GRPR: variants seen among roughly 807,000 people sequenced by gnomAD.
GRPR encodes gastrin releasing peptide receptor, also known as gastrin-releasing peptide receptor.
GRPR carries 4 observed loss-of-function variants against 15.6 expected under a neutral mutation model. That is an observed-to-expected ratio of 0.26 (90% CI 0.13 to 0.59). GRPR has a LOEUF of 0.59. Ranked by LOEUF, GRPR falls within the 20% of genes least tolerant of loss-of-function variation. GRPR has a pLI of 0.90. For missense variants in GRPR, 270 were observed against 304.1 expected (o/e 0.89, Z 0.83); for synonymous variants, 128 against 126.8 (o/e 1.01, Z -0.06).
chrX:16,142,831 T>C (rs1922549107), intron 1 of GRPR, among the ~76,000 whole-genome samples: 1 of 110,115 alleles, frequency 9.1e-6, no homozygotes, highest in Admixed American at 9.8e-5. Flanking sequence ...CAGATGAATG[T>C]GTCTGCAGGG....
In GRPR at chrX:16,137,257, G is replaced by A. The variant is rs138273988; in HGVS notation, c.413+12891G>A. Among the ~76,000 whole-genome samples the A allele has an allele frequency of 7.1e-3, 794 of 111,976 alleles. 10 individuals carry two copies. The highest frequency in any genetic ancestry group is 0.025 in the African/African-American group (764 of 30,821). On this transcript the variant is annotated intron_variant, in intron 1 of 2. Coordinates refer to ENST00000380289, the MANE Select transcript of GRPR (RefSeq NM_005314.3). ...GTGAAATGAGGGTTCTACATCACACGATTAGCAAACAGTGAAATTGAGAAT... is the reference window on the plus strand; with the variant it reads ...GTGAAATGAGGGTTCTACATCACACAATTAGCAAACAGTGAAATTGAGAAT...
At chrX:16,152,232 C>G (rs980629421) in intron 2 of GRPR, 24 bp from the exon 3 acceptor site, 3 of 1,178,463 alleles carry the variant, frequency 2.5e-6, no homozygotes, top group Non-Finnish European at 3.5e-6. Flanking sequence ...TCCTCTGTCT[C>G]TCTCCATGTG....
At position 16,123,625 on chromosome X, in the gene GRPR, C is replaced by CA. The variant is rs1460746890; in HGVS notation, c.-328dup. The CA allele has an allele frequency of 2.4e-5, 5 of 210,658 alleles. No individual in the cohort carries two copies. The East Asian group carries it at 5.4e-4, about 23-fold the overall frequency. The allele number at this position is 210,658 out of a possible 1,213,427, so 17.4% of individuals were successfully genotyped here. On this transcript the variant is annotated 5_prime_UTR_variant, in exon 1 of 3. Coordinates refer to ENST00000380289, the MANE Select transcript of GRPR (RefSeq NM_005314.3). ...CCAAAAGTTCTTAGTAAACTGCAGC[C>CA]AGGGAGACTCAGACTAGAATGGAGG...
Position 16,132,165 on chromosome X carries a change from A to T in GRPR, c.413+7799A>T, listed in dbSNP as rs753184659. ...GAATTAATGAATTCTAGTAGGTCCTACTGGGTAAACCCAGAATACTGGATT... is the reference window on the plus strand; with the variant it reads ...GAATTAATGAATTCTAGTAGGTCCTTCTGGGTAAACCCAGAATACTGGATT... On this transcript the variant is annotated intron_variant, in intron 1 of 2. Coordinates refer to ENST00000380289, the MANE Select transcript of GRPR (RefSeq NM_005314.3). Among the ~76,000 whole-genome samples the T allele has an allele frequency of 1.4e-4, 16 of 112,352 alleles. No homozygotes were observed. In the East Asian group the frequency reaches 4.5e-3, roughly 31 times the overall value.
chrX:16,150,556 C>T lies in GRPR; in HGVS notation c.665C>T (p.Pro222Leu). 8.4e-7 allele frequency: 1 copy of T among 1,193,965 alleles called. No individual in the cohort carries two copies. The highest frequency in any genetic ancestry group is 1.1e-6 in the Non-Finnish European group (1 of 879,304). Residue 222 changes from proline (P) to leucine (L), a missense_variant, in exon 2 of 3, where the codon CCA becomes CTA. Physicochemically the swap from Pro to Leu is moderately conservative, Grantham distance 98 (BLOSUM62 -3). Coordinates refer to ENST00000380289, the MANE Select transcript of GRPR (RefSeq NM_005314.3). ...TCCTTTCTGGTCTTCTACGTCATTC[C>T]ACTGTCGATCATCTCTGTTTACTAC... Reference protein sequence around the residue: ...MASFLVFYVIPLSIISVYYYF... With the variant: ...MASFLVFYVILLSIISVYYYF...
intron 1 of GRPR, among the ~76,000 whole-genome samples, chrX:16,144,220 AATC>A (rs1335453374): frequency 1.8e-5 from 2 of 112,401 alleles, no homozygotes; most frequent in Non-Finnish European, 3.8e-5. Context: ...TCTGGGTTAT[AATC>A]ATCATATAAG....
intron 1 of GRPR, among the ~76,000 whole-genome samples, chrX:16,135,220 C>T (rs918093933): frequency 2.7e-5 from 3 of 111,923 alleles, no homozygotes; most frequent in Non-Finnish European, 5.6e-5. Flanking sequence ...TAAACTAAGC[C>T]AGGACTTTTA....
rs761174005 is a variant in GRPR at position 16,152,302 on chromosome X, G to T, written c.812G>T (p.Gly271Val). 1.0e-5 allele frequency: 12 copies of T among 1,205,430 alleles called. No individual in the cohort carries two copies. The highest frequency in any genetic ancestry group is 1.3e-5 in the Non-Finnish European group (12 of 890,141). The change falls in exon 3 of 3, where the codon GGC (glycine) becomes GTC (valine). Residue 271 changes from glycine to valine, a missense_variant. Transcript: ENST00000380289. The stretch of plus-strand genomic sequence containing the variant: ...GCCAAGACAGTGCTGGTGTTTGTGG[G>T]CCTGTTCGCCTTCTGCTGGCTCCCC... ...RLAKTVLVFV[G>V]LFAFCWLPNH...
At chrX:16,126,816 T>A (rs1922300462) in intron 1 of GRPR, among the ~76,000 whole-genome samples, 1 of 112,555 alleles carries the variant, frequency 8.9e-6, no homozygotes. Flanking sequence ...ATTGTATGAA[T>A]ACACTTTGGT....
At chrX:16,131,751 T>G (rs1329471467) in intron 1 of GRPR, among the ~76,000 whole-genome samples, 2 of 112,198 alleles carry the variant, frequency 1.8e-5, no homozygotes, top group African/African-American at 6.5e-5. Context: ...AGTAATCCAT[T>G]TCTTTTTATT....
intron 1 of GRPR, among the ~76,000 whole-genome samples, chrX:16,135,329 A>T (rs1268113717): frequency 8.9e-6 from 1 of 112,370 alleles, no homozygotes; most frequent in Non-Finnish European, 1.9e-5. Flanking sequence ...TTCCTAAGGT[A>T]CATTTCTTTA....
chrX:16,137,591 T>C (rs966510036), intron 1 of GRPR, among the ~76,000 whole-genome samples: 2 of 112,329 alleles, frequency 1.8e-5, no homozygotes, highest in Non-Finnish European at 3.8e-5. Flanking sequence ...AAAGAGGAAC[T>C]GAGTTTGGGA....
rs1211484956 is a variant in GRPR at position 16,152,726 on chromosome X, T to C, written c.*81T>C. The C allele has an allele frequency of 1.1e-6, 1 of 907,300 alleles. No individual in the cohort carries two copies. The highest frequency in any genetic ancestry group is 1.6e-6 in the Non-Finnish European group (1 of 625,551). The allele number at this position is 907,300 out of a possible 1,213,427, so 74.8% of individuals were successfully genotyped here. A position where few individuals can be genotyped will look rare whatever the true frequency, so the allele number is the denominator to read the frequency against. ...ACCCTTGCATCCATTGTTGTGTCTG[T>C]GCCCTCCAAAGAGCCTTCAGAATGC... On this transcript the variant is annotated 3_prime_UTR_variant, in exon 3 of 3. Transcript: ENST00000380289.
At chrX:16,149,451 C>G (rs1304695162) in intron 1 of GRPR, among the ~76,000 whole-genome samples, 1 of 110,609 alleles carries the variant, frequency 9.0e-6, no homozygotes, top group Non-Finnish European at 1.9e-5. Flanking sequence ...CTAAATACTT[C>G]AAGAGAAGAT....
chrX:16,150,585 T>G lies in GRPR; in HGVS notation c.694T>G (p.Phe232Val), dbSNP rs371500304. The G allele has an allele frequency of 4.2e-6, 5 of 1,200,992 alleles. No homozygotes were observed. Among genetic ancestry groups the G allele is most frequent in the Non-Finnish European group, 5.6e-6 (5 of 885,470 alleles). ...GTCGATCATCTCTGTTTACTACTAC[T>G]TCATTGCTAAAAATCTGATCCAGAG... ...PLSIISVYYYFIAKNLIQSAY... is the reference protein window; with the variant it reads ...PLSIISVYYYVIAKNLIQSAY... The change falls in exon 2 of 3, where the codon TTC becomes GTC. Residue 232 changes from phenylalanine to valine, a missense_variant. Physicochemically the swap from Phe to Val is conservative, Grantham distance 50. This residue lies in a region of GRPR where 133 missense variants were observed against 123.4 expected (regional missense o/e 1.08). Coordinates refer to ENST00000380289, the MANE Select transcript of GRPR (RefSeq NM_005314.3).
intron 1 of GRPR, among the ~76,000 whole-genome samples, chrX:16,131,014 C>T (rs1922368860): frequency 8.9e-6 from 1 of 112,161 alleles, no homozygotes; most frequent in African/African-American, 3.2e-5. Context: ...TTGACCTTGT[C>T]TCTCACTTGT....
At chrX:16,136,584 G>T (rs1015750812) in intron 1 of GRPR, among the ~76,000 whole-genome samples, 35 of 112,207 alleles carry the variant, frequency 3.1e-4, no homozygotes, top group African/African-American at 1.1e-3. Context: ...AAGTCTAACA[G>T]ACGGTGCTGT....
intron 1 of GRPR, among the ~76,000 whole-genome samples, chrX:16,148,316 T>C (rs1922637327): frequency 8.9e-6 from 1 of 111,782 alleles, no homozygotes; most frequent in Non-Finnish European, 1.9e-5. Flanking sequence ...ATCTTCTATA[T>C]TACACTTGCC....
In GRPR at chrX:16,152,645, G is replaced by C; in HGVS notation, c.1155G>C (p.Ter385TyrextTer4). ...NGNICHERYV[*>Y] The stretch of plus-strand genomic sequence containing the variant: ...ACATCTGTCACGAGCGGTATGTCTA[G>C]ATTGACCCTTGATTTTGCCCCCTGA... Residue 385 changes from the stop codon to tyrosine (Y), a stop_lost, in exon 3 of 3, where the codon TAG becomes TAC. Transcript: ENST00000380289. 1 of 1,207,296 alleles carries C rather than the reference G, an allele frequency of 8.3e-7. No homozygotes were observed. The highest frequency in any genetic ancestry group is 1.1e-6 in the Non-Finnish European group (1 of 892,046).
Sources: gnomAD v4.1 joint callset for allele counts (sites outside exome capture counted in the v4.1 genomes callset) on GRCh38, gnomAD v4.1.1 for gene constraint, gnomAD v4.1.1 regional missense constraint, MANE v1.5 for transcripts, NCBI Gene and HGNC (gene_info 2026-07-23, HGNC 2026-07-21) for gene names.